ABR: variants seen among roughly 807,000 people sequenced by gnomAD.
ABR encodes the protein active breakpoint cluster region-related protein.
In ABR, 35 loss-of-function variants were observed where a neutral mutation model predicts 107.2. The ratio of observed to expected loss-of-function variants is 0.33; its 90% CI spans 0.25 to 0.43. ABR has a LOEUF of 0.43. Among genes scored for constraint, ABR ranks in the 20% least tolerant of loss-of-function variants. ABR has a pLI of 1.00. For synonymous variants in ABR, 498 were observed against 462.0 expected, an observed-to-expected ratio of 1.08 and a Z score of -1.00; for missense variants, 815 against 1,115.2, an observed-to-expected ratio of 0.73 and a Z score of 3.83.
intron 1 of ABR, among the ~76,000 whole-genome samples, chr17:1,167,345 C>T (rs139148745): frequency 6.8e-6 from 1 of 146,600 alleles, no homozygotes; most frequent in African/African-American, 2.7e-5. Flanking sequence ...TAGCCACCCC[C>T]AACTCCAACC....
intron 2 of ABR, among the ~76,000 whole-genome samples, chr17:1,121,729 G>T (rs1050793669): frequency 2.0e-5 from 3 of 150,728 alleles, no homozygotes; most frequent in African/African-American, 7.4e-5. Context: ...CTCACAGTGG[G>T]ATGGGAGCTG....
At chr17:1,006,204 C>T (rs1222285831) in intron 22 of ABR, 35 bp from the exon 23 acceptor site, 2 of 1,521,290 alleles carry the variant, frequency 1.3e-6, no homozygotes, top group South Asian at 1.2e-5. Flanking sequence ...GCTGGGCTCC[C>T]TGTCCTAGGC....
At chr17:1,094,611 T>A (rs2037277031) in intron 3 of ABR, among the ~76,000 whole-genome samples, 1 of 152,122 alleles carries the variant, frequency 6.6e-6, no homozygotes, top group Admixed American at 6.6e-5. Context: ...CTTCAAGTGA[T>A]CCACGTGCCT....
chr17:1,005,734 G>A lies in ABR; in HGVS notation c.*346C>T. 1 of 337,790 alleles carries A rather than the reference G, an allele frequency of 3.0e-6. No individual in the cohort carries two copies. Among genetic ancestry groups the A allele is most frequent in the South Asian group, 3.4e-5 (1 of 29,176 alleles). The allele number at this position is 337,790 out of a possible 1,614,324, so 20.9% of individuals were successfully genotyped here. ...CTCAGGCGGAAAGAAAGTGCTGGAGGAAATGAAAGAACAAAGCGGGCTGTC... is the reference window on the plus strand; with the variant it reads ...CTCAGGCGGAAAGAAAGTGCTGGAGAAAATGAAAGAACAAAGCGGGCTGTC... On this transcript the variant is annotated 3_prime_UTR_variant, in exon 23 of 23. Transcript: ENST00000302538.
intron 1 of ABR, among the ~76,000 whole-genome samples, chr17:1,164,476 A>C (rs936818971): frequency 2.6e-5 from 4 of 150,958 alleles, no homozygotes; most frequent in Non-Finnish European, 4.4e-5. Context: ...GCAAAGTGTC[A>C]CACACAGCAC....
chr17:1,028,997 G>C (rs2072478447), intron 16 of ABR, among the ~76,000 whole-genome samples: 1 of 150,920 alleles, frequency 6.6e-6, no homozygotes, highest in Admixed American at 6.6e-5. Context: ...CGAGAATCTA[G>C]AATTCAGCCC....
At chr17:1,083,669 A>T in intron 4 of ABR, 42 bp from the exon 5 acceptor site, 41 of 1,333,356 alleles carry the variant, frequency 3.1e-5, no homozygotes, top group Non-Finnish European at 4.2e-5. Flanking sequence ...GGAGGGTGGG[A>T]GGGGAGAGGA....
chr17:1,226,794 T>C (rs1005509239), intron 1 of ABR, among the ~76,000 whole-genome samples: 1 of 152,056 alleles, frequency 6.6e-6, no homozygotes, highest in African/African-American at 2.4e-5. Flanking sequence ...ACCATGTGTA[T>C]ACGTGTGCAG....
At chr17:1,140,251 A>T (rs1206610204) in intron 1 of ABR, among the ~76,000 whole-genome samples, 1 of 152,196 alleles carries the variant, frequency 6.6e-6, no homozygotes, top group Admixed American at 6.5e-5. Flanking sequence ...TGGAGGGCTG[A>T]GCGATGGACA....
In ABR at chr17:1,158,125, C is replaced by T. The variant is rs139874198; in HGVS notation, c.61+21542G>A. ...GCAATGGAATTCCAGGCAGCTTTGA[C>T]GGTGCACAGTTTAGAGCTACAGGCA... On this transcript the variant is annotated intron_variant, in intron 1 of 22. Transcript: ENST00000302538. Among the ~76,000 whole-genome samples the T allele has an allele frequency of 1.1e-3, 169 of 152,234 alleles. 1 individual carries two copies. The highest frequency in any genetic ancestry group is 6.6e-3 in the East Asian group (34 of 5,178).
intron 1 of ABR, among the ~76,000 whole-genome samples, chr17:1,211,145 G>A (rs1003042329): frequency 3.3e-5 from 5 of 152,314 alleles, no homozygotes; most frequent in African/African-American, 9.6e-5. Flanking sequence ...CAGGCGTGGT[G>A]GCAGACGCCC....
chr17:1,227,650 TC>T, intron 1 of ABR, among the ~76,000 whole-genome samples: 1 of 151,854 alleles, frequency 6.6e-6, no homozygotes, highest in South Asian at 2.1e-4. Flanking sequence ...TGATTTTTTT[TC>T]CTCCTTCACT....
intron 3 of ABR, among the ~76,000 whole-genome samples, chr17:1,098,220 T>C (rs1322215761): frequency 3.3e-5 from 5 of 151,948 alleles, no homozygotes; most frequent in East Asian, 1.9e-4. Flanking sequence ...CTACAGGTGC[T>C]CGCCACCACG....
intron 16 of ABR, among the ~76,000 whole-genome samples, chr17:1,048,006 C>A (rs559154495): frequency 1.1e-4 from 17 of 152,292 alleles, no homozygotes; most frequent in African/African-American, 3.1e-4. Context: ...TGTGGCGTGG[C>A]GACCACTCGT....
rs1421280223 is a variant in ABR, at chr17:1,070,478, C to T, written c.895-388G>A. ...TAACCCTGGAGCCCCCTGCCCGGGA[C>T]GACCTGGTTTCTCCACCCTGGGGCA... On this transcript the variant is annotated intron_variant, in intron 8 of 22. Coordinates refer to ENST00000302538, the MANE Select transcript of ABR (RefSeq NM_021962.5). The surrounding 1 kb of genome is among the most constrained non-coding windows in gnomAD (Gnocchi z 4.2). Among the ~76,000 whole-genome samples, 4 of 152,190 alleles carry T rather than the reference C, an allele frequency of 2.6e-5. No homozygotes were observed. The highest frequency in any genetic ancestry group is 4.8e-5 in the African/African-American group (2 of 41,446).
chr17:1,135,388 T>C (rs1382369311), intron 1 of ABR, among the ~76,000 whole-genome samples: 30 of 150,818 alleles, frequency 2.0e-4, no homozygotes, highest in African/African-American at 6.3e-4. Context: ...TTTTTTTTTT[T>C]TTTTTGAGAC....
At chr17:1,058,136 C>CTTTTT (rs71148422) in intron 11 of ABR, 91 bp from the exon 12 acceptor site, 696 of 318,178 alleles carry the variant, frequency 2.2e-3, no homozygotes, top group Middle Eastern at 3.3e-3. Context: ...CTCCTTTTAT[C>CTTTTT]TTTTTTTTTT....
At chr17:1,176,534 G>A (rs2041924755) in intron 1 of ABR, among the ~76,000 whole-genome samples, 1 of 152,184 alleles carries the variant, frequency 6.6e-6, no homozygotes, top group African/African-American at 2.4e-5. Context: ...TGTGAGATTT[G>A]GAGAGAATGG....
chr17:1,137,400 T>C (rs1208767839), intron 1 of ABR, among the ~76,000 whole-genome samples: 1 of 150,774 alleles, frequency 6.6e-6, no homozygotes, highest in Non-Finnish European at 1.5e-5. Flanking sequence ...TCGAGGCCAC[T>C]GTAGGGTTAC....
Sources: gnomAD v4.1 joint callset for allele counts (sites outside exome capture counted in the v4.1 genomes callset) on GRCh38, gnomAD v4.1.1 for gene constraint, Gnocchi (gnomAD v3.1) non-coding constraint, MANE v1.5 for transcripts, NCBI Gene and HGNC (gene_info 2026-07-23, HGNC 2026-07-21) for gene names.